GABRG3: variants seen among roughly 807,000 people sequenced by gnomAD.
GABRG3 encodes gamma-aminobutyric acid receptor subunit gamma-3.
Under a neutral mutation model 48.8 loss-of-function variants are expected in GABRG3, and 25 were observed. The ratio of observed to expected loss-of-function variants is 0.51; its 90% CI spans 0.37 to 0.72. GABRG3 has a LOEUF of 0.72. GABRG3 is among the 30% of genes least tolerant of loss of function. The pLI, the probability that GABRG3 is intolerant of heterozygous loss-of-function variation, is 0.00. For synonymous variants in GABRG3, 227 were observed against 217.6 expected, an observed-to-expected ratio of 1.04 and a Z score of -0.38; for missense variants, 394 against 577.9, an observed-to-expected ratio of 0.68 and a Z score of 3.26.
chr15:27,453,922 C>G (rs1464534573), intron 5 of GABRG3, among the ~76,000 whole-genome samples: 1 of 152,154 alleles, frequency 6.6e-6, no homozygotes, highest in Non-Finnish European at 1.5e-5. Flanking sequence ...GCCCTTCTCT[C>G]CATTCCCTTG....
intron 3 of GABRG3, among the ~76,000 whole-genome samples, chr15:27,305,398 A>C (rs1322707511): frequency 6.6e-6 from 1 of 150,826 alleles, no homozygotes; most frequent in Non-Finnish European, 1.5e-5. Context: ...TACTGTCTTC[A>C]AGGAATAGAA....
intron 2 of GABRG3, among the ~76,000 whole-genome samples, chr15:26,986,755 G>C (rs752692649): frequency 2.0e-5 from 3 of 152,120 alleles, no homozygotes; most frequent in Non-Finnish European, 4.4e-5. Flanking sequence ...GTCTTGATTT[G>C]AATATTCAGC....
chr15:27,047,224 A>G (rs957761626), intron 3 of GABRG3, among the ~76,000 whole-genome samples: 2 of 152,194 alleles, frequency 1.3e-5, no homozygotes, highest in East Asian at 1.9e-4. Context: ...CCAGTCTTAC[A>G]GTTATCATAC....
chr15:27,069,164 A>G (rs1190039587), intron 3 of GABRG3, among the ~76,000 whole-genome samples: 2 of 152,224 alleles, frequency 1.3e-5, no homozygotes, highest in South Asian at 4.1e-4. Flanking sequence ...CCCTTGAGAC[A>G]TGGGTCTGCT....
chr15:27,463,991 G>C (rs1331129197), intron 5 of GABRG3, among the ~76,000 whole-genome samples: 1 of 152,150 alleles, frequency 6.6e-6, no homozygotes, highest in African/African-American at 2.4e-5. Flanking sequence ...GAGAAAACGA[G>C]CTGGTGTCAC....
chr15:27,524,237 C>G (rs1189327515), intron 7 of GABRG3, among the ~76,000 whole-genome samples: 1 of 152,024 alleles, frequency 6.6e-6, no homozygotes, highest in Middle Eastern at 3.2e-3. Context: ...TTTTTTAATG[C>G]TGAATGGAAA....
At chr15:27,082,022 A>G (rs17739186) in intron 3 of GABRG3, among the ~76,000 whole-genome samples, 28,367 of 152,116 alleles carry the variant, frequency 0.19, 2,698 homozygotes, top group Middle Eastern at 0.25. Context: ...AATGTTTAGT[A>G]GTGAAGCAAG....
intron 6 of GABRG3, among the ~76,000 whole-genome samples, chr15:27,504,139 A>G (rs76148151): frequency 0.026 from 3,952 of 152,076 alleles, 168 homozygotes; most frequent in African/African-American, 0.091. Context: ...CTATGACTTA[A>G]TTTGGGTATT....
intron 5 of GABRG3, among the ~76,000 whole-genome samples, chr15:27,382,023 GTTATTA>G (rs1227193282): frequency 6.6e-6 from 1 of 152,170 alleles, no homozygotes; most frequent in Non-Finnish European, 1.5e-5. Context: ...GTTAAATGTA[GTTATTA>G]TTATTGCTTC....
intron 3 of GABRG3, among the ~76,000 whole-genome samples, chr15:27,200,922 T>G (rs1044609961): frequency 6.6e-6 from 1 of 152,116 alleles, no homozygotes; most frequent in African/African-American, 2.4e-5. Context: ...TTGAGCTGTC[T>G]TCAGCTTTTT....
At chr15:27,009,281 A>C (rs757084553) in intron 2 of GABRG3, among the ~76,000 whole-genome samples, 172 of 152,240 alleles carry the variant, frequency 1.1e-3, no homozygotes, top group Middle Eastern at 6.8e-3. Context: ...TGGTCTTGGG[A>C]ATCTTTTTGC....
chr15:27,345,004 A>G (rs1330264390), intron 5 of GABRG3, among the ~76,000 whole-genome samples: 1 of 152,188 alleles, frequency 6.6e-6, no homozygotes, highest in Non-Finnish European at 1.5e-5. Flanking sequence ...TCTGAAATTA[A>G]TATAGCTTTC....
At chr15:27,185,972 A>G (rs1330395449) in intron 3 of GABRG3, among the ~76,000 whole-genome samples, 2 of 151,164 alleles carry the variant, frequency 1.3e-5, no homozygotes, top group Admixed American at 1.3e-4. Flanking sequence ...ATGCAGTTGC[A>G]TCAAGGTTTT....
intron 3 of GABRG3, among the ~76,000 whole-genome samples, chr15:27,258,325 C>T (rs1390028446): frequency 2.0e-5 from 3 of 152,178 alleles, no homozygotes; most frequent in Non-Finnish European, 2.9e-5. Context: ...AGTGCCTGCA[C>T]CATTCACCTC....
At chr15:27,377,912 G>T (rs568327851) in intron 5 of GABRG3, among the ~76,000 whole-genome samples, 2 of 152,110 alleles carry the variant, frequency 1.3e-5, no homozygotes, top group Non-Finnish European at 2.9e-5. Context: ...CTCCTTTGAG[G>T]CTTTTGTGCT....
chr15:27,289,142 A>T (rs917459094), intron 3 of GABRG3, among the ~76,000 whole-genome samples: 1 of 152,052 alleles, frequency 6.6e-6, no homozygotes, highest in Admixed American at 6.5e-5. Context: ...CCTAGACAAG[A>T]TCTTCTTCAT....
Position 26,975,633 on chromosome 15 carries a change from T to TA in GABRG3, c.54-1369_54-1368insA, listed in dbSNP as rs1331700417. Among the ~76,000 whole-genome samples, 1 of 152,140 alleles carries TA rather than the reference T, an allele frequency of 6.6e-6. No homozygotes were observed. The highest frequency in any genetic ancestry group is 1.5e-5 in the Non-Finnish European group (1 of 68,028). On this transcript the variant is annotated intron_variant, in intron 1 of 9. Transcript: ENST00000615808. This position sits in a 1 kb window ranked among gnomAD's most constrained non-coding sequence, Gnocchi z 4.6. ...CATATATATGAAGACCTAAATTAAG[T>TA]GGAAAAAATGAATATGAAATTTTAT...
chr15:27,431,277 C>T (rs1015660484), intron 5 of GABRG3, among the ~76,000 whole-genome samples: 20 of 152,046 alleles, frequency 1.3e-4, no homozygotes, highest in Non-Finnish European at 2.1e-4. Context: ...AAAGTGAGTG[C>T]CATCTGGAAG....
At chr15:27,175,929 A>G in intron 3 of GABRG3, among the ~76,000 whole-genome samples, 1 of 152,078 alleles carries the variant, frequency 6.6e-6, no homozygotes, top group East Asian at 1.9e-4. Flanking sequence ...GGGGCAAATT[A>G]TGCACCAGAA....
Sources: gnomAD v4.1 joint callset for allele counts (sites outside exome capture counted in the v4.1 genomes callset) on GRCh38, gnomAD v4.1.1 for gene constraint, Gnocchi (gnomAD v3.1) non-coding constraint, MANE v1.5 for transcripts, NCBI Gene and HGNC (gene_info 2026-07-23, HGNC 2026-07-21) for gene names.